The following EYS variants were observed in gnomAD, a reference collection of about 807,000 sequenced individuals.
EYS encodes EGF-like photoreceptor maintenance factor.
Under a neutral mutation model 282.1 loss-of-function variants are expected in EYS, and 250 were observed. That is an observed-to-expected ratio of 0.89 (90% CI 0.80 to 0.98). The LOEUF (loss-of-function observed/expected upper bound fraction) is 0.98. EYS is among the 50% of genes least tolerant of loss of function. The pLI is 0.00. For synonymous variants in EYS, 1,355 were observed against 1,282.9 expected (o/e 1.06, Z -1.20); for missense variants, 4,016 against 3,709.0 (o/e 1.08, Z -2.15).
intron 33 of EYS, among the ~76,000 whole-genome samples, chr6:64,018,874 A>G (rs1769034941): frequency 6.9e-6 from 1 of 144,560 alleles, no homozygotes; most frequent in Admixed American, 7.5e-5. Context: ...TCCTGGGTTC[A>G]AGCAAGTCTC....
chr6:65,407,171 C>T (rs375143040), intron 5 of EYS, among the ~76,000 whole-genome samples: 161 of 152,208 alleles, frequency 1.1e-3, no homozygotes, highest in African/African-American at 3.8e-3. Context: ...TAAAGTCTTG[C>T]ATTTATTTGT....
At chr6:64,632,229 A>G (rs1394907219) in intron 22 of EYS, among the ~76,000 whole-genome samples, 1 of 152,082 alleles carries the variant, frequency 6.6e-6, no homozygotes, top group Non-Finnish European at 1.5e-5. Context: ...CAGAATCACC[A>G]CAGTTCTTTT....
intron 36 of EYS, among the ~76,000 whole-genome samples, chr6:63,819,754 G>A (rs1056454718): frequency 1.3e-5 from 2 of 152,124 alleles, no homozygotes; most frequent in African/African-American, 4.8e-5. Context: ...ATGACACACT[G>A]TATTGATGAA....
intron 28 of EYS, among the ~76,000 whole-genome samples, chr6:64,419,774 T>G (rs1274039345): frequency 2.0e-5 from 3 of 152,228 alleles, no homozygotes; most frequent in Non-Finnish European, 4.4e-5. Context: ...CCCTGTGGCT[T>G]TGCAGGGTAC....
rs557187367 is a variant in EYS at position 64,506,893 on chromosome 6, A to C, written c.5645-67541T>G. On this transcript the variant is annotated intron_variant, in intron 26 of 42. Coordinates refer to ENST00000503581, the MANE Select transcript of EYS (RefSeq NM_001142800.2). ...CGCTGCACTCCAACCTGGGCGATAA[A>C]GCGAGGCTGTGTCTTAAAAAAAAAA... is the stretch of plus-strand genomic sequence containing the variant. Among the ~76,000 whole-genome samples the C allele has an allele frequency of 4.2e-5, 5 of 119,810 alleles. No individual in the cohort carries two copies. In the South Asian group the frequency reaches 1.3e-3, roughly 31 times the overall value. 78.6% of individuals were successfully genotyped at this position (119,810 alleles called of 152,430 possible). A position where few individuals can be genotyped will look rare whatever the true frequency, so the allele number is the denominator to read the frequency against.
intron 8 of EYS, among the ~76,000 whole-genome samples, chr6:65,367,445 G>A (rs989240777): frequency 5.3e-5 from 8 of 151,292 alleles, no homozygotes; most frequent in African/African-American, 1.9e-4. Flanking sequence ...TATTTTTCCT[G>A]TTTCAGCACT....
chr6:65,441,156 C>T (rs912882434), intron 5 of EYS, among the ~76,000 whole-genome samples: 1 of 151,130 alleles, frequency 6.6e-6, no homozygotes, highest in East Asian at 1.9e-4. Flanking sequence ...TTTTTTGCTA[C>T]AAACCATTTT....
rs565024543 is a variant in EYS, at chr6:65,292,726, G to A, written c.2023+3137C>T. On this transcript the variant is annotated intron_variant, in intron 12 of 42. Transcript: ENST00000503581. ...AGGTTCCAGCTGAAATGCAAACGTG[G>A]TTGAAACATACTAGTACACTTCTAC... is the stretch of plus-strand genomic sequence containing the variant. 2.0e-5 allele frequency among the ~76,000 whole-genome samples: 3 copies of A among 151,764 alleles called. No homozygotes were observed. The South Asian group carries it at 6.2e-4, about 31-fold the overall frequency.
At chr6:64,947,049 G>T (rs534767263) in intron 14 of EYS, among the ~76,000 whole-genome samples, 16 of 151,832 alleles carry the variant, frequency 1.1e-4, no homozygotes, top group Non-Finnish European at 2.9e-5. Flanking sequence ...ATACTTATAA[G>T]CACAATGTGA....
intron 12 of EYS, among the ~76,000 whole-genome samples, chr6:65,103,309 T>C (rs1774944784): frequency 6.6e-6 from 1 of 151,522 alleles, no homozygotes; most frequent in African/African-American, 2.4e-5. Flanking sequence ...AAATAAATTA[T>C]CTGGTGAGAA....
intron 12 of EYS, among the ~76,000 whole-genome samples, chr6:65,206,666 A>G (rs1008829762): frequency 6.6e-6 from 1 of 151,854 alleles, no homozygotes; most frequent in Non-Finnish European, 1.5e-5. Flanking sequence ...CATCAAAAAG[A>G]TGATTCATCA....
chr6:65,270,829 G>A lies in EYS; in HGVS notation c.2023+25034C>T, dbSNP rs563715471. Among the ~76,000 whole-genome samples the A allele has an allele frequency of 2.5e-3, 378 of 151,662 alleles. 1 individual carries two copies. Among genetic ancestry groups the A allele is most frequent in the Middle Eastern group, 0.021 (6 of 292 alleles). On this transcript the variant is annotated intron_variant, in intron 12 of 42. Coordinates refer to ENST00000503581, the MANE Select transcript of EYS (RefSeq NM_001142800.2). ...TCCATTGTCCAATAACATGTTTCTC[G>A]TTTTCACCTGAGACCATAATGGCAG...
At chr6:63,751,747 C>T (rs970430902) in intron 41 of EYS, among the ~76,000 whole-genome samples, 40 of 152,088 alleles carry the variant, frequency 2.6e-4, no homozygotes, top group African/African-American at 9.7e-4. Flanking sequence ...TGTCTAATTG[C>T]TAACAGAAGG....
intron 5 of EYS, 118 bp from the exon 6 acceptor site, chr6:65,405,485 T>C (rs959558962): frequency 3.7e-6 from 3 of 821,652 alleles, no homozygotes; most frequent in East Asian, 2.6e-5. Context: ...AATATTTTTA[T>C]TTAACAAATG....
At chr6:64,551,639 C>G (rs1424553378) in intron 26 of EYS, among the ~76,000 whole-genome samples, 1 of 150,944 alleles carries the variant, frequency 6.6e-6, no homozygotes, top group African/African-American at 2.4e-5. Flanking sequence ...TGGGTTCAAG[C>G]TATTCTCCTG....
chr6:65,146,768 G>C (rs1764489055), intron 12 of EYS, among the ~76,000 whole-genome samples: 1 of 151,922 alleles, frequency 6.6e-6, no homozygotes, highest in Admixed American at 6.6e-5. Context: ...TCAAGGGTAA[G>C]TCTAAAGGAA....
At chr6:64,534,319 G>T (rs2149795176) in intron 26 of EYS, among the ~76,000 whole-genome samples, 1 of 150,988 alleles carries the variant, frequency 6.6e-6, no homozygotes, top group South Asian at 2.1e-4. Flanking sequence ...TACTTTTCTT[G>T]GTTTTCTTTA....
At chr6:64,543,633 C>A (rs1474190672) in intron 26 of EYS, among the ~76,000 whole-genome samples, 2 of 152,098 alleles carry the variant, frequency 1.3e-5, no homozygotes, top group East Asian at 3.9e-4. Context: ...TAACACAGAG[C>A]ACCAATCAAC....
chr6:65,557,677 G>C (rs1430315091), intron 2 of EYS, among the ~76,000 whole-genome samples: 1 of 152,176 alleles, frequency 6.6e-6, no homozygotes, highest in Non-Finnish European at 1.5e-5. Flanking sequence ...CCAGGAACAT[G>C]TTACAGCTCC....
Sources: gnomAD v4.1 joint callset for allele counts (sites outside exome capture counted in the v4.1 genomes callset) on GRCh38, gnomAD v4.1.1 for gene constraint, MANE v1.5 for transcripts, NCBI Gene and HGNC (gene_info 2026-07-23, HGNC 2026-07-21) for gene names.